VWA5B1: variants seen among roughly 807,000 people sequenced by gnomAD.
The protein encoded by VWA5B1 is von Willebrand factor A domain-containing protein 5B1.
Under a neutral mutation model 118.2 loss-of-function variants are expected in VWA5B1, and 115 were observed. That is an observed-to-expected ratio of 0.97 (90% confidence interval 0.84 to 1.14). VWA5B1 has a LOEUF of 1.14. Ranked by LOEUF, VWA5B1 falls within the 50% of genes most tolerant of loss-of-function variation. The pLI is 0.00. For synonymous variants in VWA5B1, 682 were observed against 658.4 expected (o/e 1.04, Z -0.55); for missense variants, 1,596 against 1,603.8 (o/e 1.00, Z 0.08).
At position 20,317,545 on chromosome 1, in the gene VWA5B1, C is replaced by T; in HGVS notation, c.579C>T (p.Cys193=). ...CCTTTTCCAGCAAAGACAGGCACTGCTTCGGTGCCTGGGCCCCGGGCTCCT... is the reference window on the plus strand; with the variant it reads ...CCTTTTCCAGCAAAGACAGGCACTGTTTCGGTGCCTGGGCCCCGGGCTCCT... ...NQQAQGKDRH[C]FGAWAPGSWN... Residue 193 remains cysteine, a synonymous_variant, in exon 5 of 22, where the codon TGC becomes TGT. Transcript: ENST00000289815. 6.4e-7 allele frequency: 1 copy of T among 1,551,664 alleles called. No homozygotes were observed. Among genetic ancestry groups the T allele is most frequent in the Non-Finnish European group, 8.7e-7 (1 of 1,146,974 alleles).
chr1:20,308,903 A>G (rs945525259), intron 1 of VWA5B1, among the ~76,000 whole-genome samples: 4 of 152,150 alleles, frequency 2.6e-5, no homozygotes, highest in Non-Finnish European at 5.9e-5. Context: ...TTGCAAATAA[A>G]GGGCAGCAGG....
chr1:20,309,250 A>T (rs1483715243), intron 1 of VWA5B1, among the ~76,000 whole-genome samples: 1 of 152,238 alleles, frequency 6.6e-6, no homozygotes, highest in African/African-American at 2.4e-5. Context: ...TGTAGCGCCT[A>T]TGCTCAAATG....
At chr1:20,346,242 C>T (rs575841332) in intron 17 of VWA5B1, among the ~76,000 whole-genome samples, 6 of 152,236 alleles carry the variant, frequency 3.9e-5, no homozygotes, top group South Asian at 2.1e-4. Context: ...ACAAAGTAGA[C>T]GCTATTATTA....
chr1:20,348,679 T>C (rs2090061208), intron 18 of VWA5B1, among the ~76,000 whole-genome samples: 1 of 152,174 alleles, frequency 6.6e-6, no homozygotes, highest in African/African-American at 2.4e-5. Flanking sequence ...CTCTGAGTCC[T>C]CCCAGGCACC....
chr1:20,325,298 G>A (rs991856565), intron 8 of VWA5B1, among the ~76,000 whole-genome samples: 1 of 152,124 alleles, frequency 6.6e-6, no homozygotes, highest in African/African-American at 2.4e-5. Flanking sequence ...TGGATTCCAG[G>A]GTCAATTCTG....
intron 5 of VWA5B1, 107 bp from the exon 6 acceptor site, chr1:20,318,483 G>T: frequency 1.3e-6 from 2 of 1,490,344 alleles, no homozygotes; most frequent in South Asian, 1.2e-5. Context: ...CCCTAACGGG[G>T]CTGGCATGTC....
At position 20,359,248 on chromosome 1, in the gene VWA5B1, G is replaced by A. The variant is rs571383213; in HGVS notation, c.*4985G>A. On this transcript the variant is annotated 3_prime_UTR_variant, in exon 22 of 22. Coordinates refer to ENST00000289815, the MANE Select transcript of VWA5B1 (RefSeq NM_001039500.3). Reference sequence around the variant, plus strand: ...CCCATCAGAGCCTCAAGTGCCTATGGCATGCTACCCGTGCCCTTGCCTGCT... The same window carrying A: ...CCCATCAGAGCCTCAAGTGCCTATGACATGCTACCCGTGCCCTTGCCTGCT... Among the ~76,000 whole-genome samples, 25 of 152,308 alleles carry A rather than the reference G, an allele frequency of 1.6e-4. No homozygotes were observed. Among genetic ancestry groups the A allele is most frequent in the African/African-American group, 5.1e-4 (21 of 41,560 alleles).
chr1:20,296,180 A>T (rs2088403403), intron 1 of VWA5B1, among the ~76,000 whole-genome samples: 3 of 152,174 alleles, frequency 2.0e-5, no homozygotes, highest in African/African-American at 7.2e-5. Flanking sequence ...TAGGTTTTTT[A>T]AAATGTCACC....
intron 1 of VWA5B1, among the ~76,000 whole-genome samples, chr1:20,308,508 G>T (rs2088738087): frequency 6.6e-6 from 1 of 152,134 alleles, no homozygotes; most frequent in South Asian, 2.1e-4. Context: ...CATTGGGAGG[G>T]GGGATGTGGC....
At chr1:20,307,327 C>T (rs2088686724) in intron 1 of VWA5B1, among the ~76,000 whole-genome samples, 1 of 152,186 alleles carries the variant, frequency 6.6e-6, no homozygotes, top group South Asian at 2.1e-4. Context: ...GAAGGGAAGA[C>T]ACTCAGCAGA....
At chr1:20,331,478 G>A (rs1030754092) in intron 11 of VWA5B1, among the ~76,000 whole-genome samples, 5 of 152,198 alleles carry the variant, frequency 3.3e-5, no homozygotes, top group African/African-American at 9.7e-5. Flanking sequence ...TGTTTATTGG[G>A]GATAGTGTCT....
At position 20,348,436 on chromosome 1, in the gene VWA5B1, G is replaced by C. The variant is rs1014133636; in HGVS notation, c.2878+78G>C. 2.1e-6 allele frequency: 3 copies of C among 1,437,850 alleles called. No homozygotes were observed. The African/African-American group carries it at 4.2e-5, about 20-fold the overall frequency. 89.1% of individuals were successfully genotyped at this position (1,437,850 alleles called of 1,614,324 possible). ...GCCCCTGAGGTTACCGCGTCCTCCT[G>C]TCCGAGGCCCTAGGACCACTCTCTG... On this transcript the variant is annotated intron_variant, in intron 18 of 21. Coordinates refer to ENST00000289815, the MANE Select transcript of VWA5B1 (RefSeq NM_001039500.3).
chr1:20,293,974 C>T (rs578029811), intron 1 of VWA5B1, among the ~76,000 whole-genome samples: 2 of 152,136 alleles, frequency 1.3e-5, no homozygotes, highest in South Asian at 2.1e-4. Flanking sequence ...AGGAGGTCTT[C>T]GTCGATCAAT....
At chr1:20,304,201 G>C (rs1011930936) in intron 1 of VWA5B1, among the ~76,000 whole-genome samples, 6 of 152,182 alleles carry the variant, frequency 3.9e-5, no homozygotes, top group African/African-American at 1.4e-4. Flanking sequence ...GCAGGATGTG[G>C]GGTGTGATAG....
intron 1 of VWA5B1, among the ~76,000 whole-genome samples, chr1:20,307,018 G>A (rs562827708): frequency 7.2e-5 from 11 of 152,074 alleles, no homozygotes; most frequent in African/African-American, 1.7e-4. Context: ...CCTTTTGCCA[G>A]CTCCACTCAA....
rs758467520 is a variant in VWA5B1 at position 20,332,908 on chromosome 1, G to A, written c.1715G>A (p.Gly572Asp). The change falls in exon 12 of 22, where the codon GGC becomes GAC. Residue 572 changes from glycine (G) to aspartate (D), a missense_variant. Gly to Asp is a moderately conservative substitution (Grantham distance 94). Coordinates refer to ENST00000289815, the MANE Select transcript of VWA5B1 (RefSeq NM_001039500.3). ...CCTGGAGAACGGCTGGTGGGGTATG[G>A]CATTGTATGTGATGCTTCTTTGCAC... ...LFPGERLVGY[G>D]IVCDASLHIS... 5.8e-6 allele frequency: 9 copies of A among 1,551,836 alleles called. No homozygotes were observed. The highest frequency in any genetic ancestry group is 7.8e-6 in the Non-Finnish European group (9 of 1,147,028).
Position 20,332,867 on chromosome 1 carries a change from C to A in VWA5B1, c.1674C>A (p.Ser558Arg), listed in dbSNP as rs775288920. The A allele has an allele frequency of 1.0e-5, 16 of 1,551,794 alleles. No homozygotes were observed. In the East Asian group the frequency reaches 3.9e-4, roughly 38 times the overall value. ...ETTEVLVSPVSASSLFPGERL... is the reference protein window; with the variant it reads ...ETTEVLVSPVRASSLFPGERL... ...CTGAGGTCCTGGTCTCACCCGTCAG[C>A]GCCAGCTCCCTCTTCCCTGGAGAAC... is the stretch of plus-strand genomic sequence containing the variant. Residue 558 changes from serine to arginine, a missense_variant, in exon 12 of 22, where the codon AGC becomes AGA. By Grantham distance (110) the Ser-to-Arg change is moderately radical (BLOSUM62 -1). Coordinates refer to ENST00000289815, the MANE Select transcript of VWA5B1 (RefSeq NM_001039500.3).
chr1:20,327,868 A>T (rs1239265834), intron 8 of VWA5B1, 22 bp from the exon 9 acceptor site: 1 of 1,546,044 alleles, frequency 6.5e-7, no homozygotes, highest in Non-Finnish European at 8.8e-7. Flanking sequence ...TGAATCCTGA[A>T]AACCCCTTTC....
chr1:20,332,939 C>T lies in VWA5B1; in HGVS notation c.1746C>T (p.Ser582=), dbSNP rs1468280826. The T allele has an allele frequency of 2.6e-6, 4 of 1,551,822 alleles. No individual in the cohort carries two copies. The East Asian group carries it at 7.3e-5, about 28-fold the overall frequency. ...TATGTGATGCTTCTTTGCACATCTC[C>T]AATCCCAGATCTGTAAGTATCCTAG... ...GIVCDASLHI[S]NPRSDKRRRY... The change falls in exon 12 of 22, where the codon TCC becomes TCT. Residue 582 remains serine, a synonymous_variant. Transcript: ENST00000289815.
Sources: allele counts gnomAD v4.1 joint callset (sites outside exome capture counted in the v4.1 genomes callset), GRCh38; gene constraint gnomAD v4.1.1; transcripts MANE v1.5; gene names NCBI Gene and HGNC (gene_info 2026-07-23, HGNC 2026-07-21).